FANCC: variants seen among roughly 807,000 people sequenced by gnomAD.
FANCC encodes Fanconi anemia group C protein.
In FANCC, 55 loss-of-function variants were observed where a neutral mutation model predicts 71.3. That is an observed-to-expected ratio of 0.77 (90% confidence interval 0.62 to 0.97). FANCC has a LOEUF of 0.97. Ranked by LOEUF, FANCC falls within the 50% of genes least tolerant of loss-of-function variation. FANCC has a pLI of 0.00. For missense variants in FANCC, 678 were observed against 670.9 expected, an observed-to-expected ratio of 1.01 and a Z score of -0.12; for synonymous variants, 275 against 244.9, an observed-to-expected ratio of 1.12 and a Z score of -1.15.
intron 1 of FANCC, among the ~76,000 whole-genome samples, chr9:95,255,134 G>A (rs1262944144): frequency 1.3e-5 from 2 of 152,272 alleles, no homozygotes; most frequent in East Asian, 1.9e-4. Flanking sequence ...CGCAGCTATA[G>A]CAGAATTAAA....
At position 95,188,768 on chromosome 9, in the gene FANCC, C is replaced by T. The variant is rs142753546; in HGVS notation, c.346-16621G>A. Among the ~76,000 whole-genome samples the T allele has an allele frequency of 1.2e-3, 182 of 152,242 alleles. 3 individuals carry two copies. In the East Asian group the frequency reaches 0.033, roughly 27 times the overall value. ...CTCGCATTTTTATGTCCACTCCTCC[C>T]GAACCCTGCCATTTATAATCCCTAC... On this transcript the variant is annotated intron_variant, in intron 4 of 14. Coordinates refer to ENST00000289081, the MANE Select transcript of FANCC (RefSeq NM_000136.3).
chr9:95,253,736 T>C (rs1254188387), intron 1 of FANCC, among the ~76,000 whole-genome samples: 1 of 151,694 alleles, frequency 6.6e-6, no homozygotes, highest in Non-Finnish European at 1.5e-5. Context: ...TGGTGACTTG[T>C]GAGATTCTGG....
At position 95,172,019 on chromosome 9, in the gene FANCC, TA is replaced by T. The variant is rs768368115; in HGVS notation, c.456+17del. The T allele has an allele frequency of 1.4e-6, 2 of 1,452,988 alleles. No individual in the cohort carries two copies. Among genetic ancestry groups the T allele is most frequent in the East Asian group, 4.5e-5 (2 of 43,986 alleles). 90.0% of individuals were successfully genotyped at this position (1,452,988 alleles called of 1,614,324 possible). On this transcript the variant is annotated intron_variant, in intron 5 of 14. Transcript: ENST00000289081. ...TCAGCATTAAACATTTCAAAAGTGA[TA>T]AATTTTAAATACTCACATTTTTAAG...
chr9:95,215,286 A>G (rs1376241696), intron 4 of FANCC, among the ~76,000 whole-genome samples: 1 of 152,130 alleles, frequency 6.6e-6, no homozygotes, highest in Non-Finnish European at 1.5e-5. Context: ...CTCTTAGGGG[A>G]GCAGAGAGCA....
chr9:95,110,394 A>T, intron 13 of FANCC: 1 of 1,024,076 alleles, frequency 9.8e-7, no homozygotes, highest in Non-Finnish European at 1.2e-6. Context: ...CGTACATCTT[A>T]TTACTGTTAA....
chr9:95,305,091 C>T (rs1171259182), intron 1 of FANCC, among the ~76,000 whole-genome samples: 1 of 152,122 alleles, frequency 6.6e-6, no homozygotes, highest in Non-Finnish European at 1.5e-5. Context: ...CTCTATTATC[C>T]AATTTAGAGG....
At chr9:95,256,210 C>T (rs886947658) in intron 1 of FANCC, among the ~76,000 whole-genome samples, 1 of 152,048 alleles carries the variant, frequency 6.6e-6, no homozygotes, top group Non-Finnish European at 1.5e-5. Context: ...AGATACTCCT[C>T]GAGAAGAGCA....
chr9:95,316,007 G>A (rs1416559306), intron 1 of FANCC, among the ~76,000 whole-genome samples: 1 of 152,120 alleles, frequency 6.6e-6, no homozygotes, highest in African/African-American at 2.4e-5. Flanking sequence ...TTTATTAGAG[G>A]ACAAAACAAA....
At chr9:95,200,973 G>A (rs973043889) in intron 4 of FANCC, among the ~76,000 whole-genome samples, 1 of 152,112 alleles carries the variant, frequency 6.6e-6, no homozygotes, top group Non-Finnish European at 1.5e-5. Flanking sequence ...TCCAGAACAC[G>A]TCAACTAAGA....
intron 6 of FANCC, among the ~76,000 whole-genome samples, chr9:95,163,083 C>G (rs1196635338): frequency 6.6e-6 from 1 of 152,168 alleles, no homozygotes; most frequent in African/African-American, 2.4e-5. Flanking sequence ...ACGTTTAGGT[C>G]TTTCATCTAT....
intron 8 of FANCC, 32 bp downstream of exon 8, chr9:95,135,314 G>C (rs1827514081): frequency 5.0e-6 from 8 of 1,608,590 alleles, no homozygotes; most frequent in African/African-American, 1.3e-5. Context: ...CTCCTTCAAG[G>C]ATTTTTCCCT....
chr9:95,187,353 A>G (rs903702719), intron 4 of FANCC, among the ~76,000 whole-genome samples: 5 of 152,172 alleles, frequency 3.3e-5, no homozygotes, highest in African/African-American at 1.2e-4. Flanking sequence ...GGTCACGGCC[A>G]AGGCCCACCT....
intron 8 of FANCC, among the ~76,000 whole-genome samples, chr9:95,129,450 T>C (rs1273350363): frequency 2.6e-5 from 4 of 152,240 alleles, no homozygotes; most frequent in African/African-American, 7.2e-5. Flanking sequence ...AGCATCTTCA[T>C]GAGTGATGAC....
intron 4 of FANCC, among the ~76,000 whole-genome samples, chr9:95,197,466 G>A (rs1827528269): frequency 6.6e-6 from 1 of 152,182 alleles, no homozygotes; most frequent in African/African-American, 2.4e-5. Flanking sequence ...TTGGGTCTGG[G>A]AGGTCAAGGC....
chr9:95,108,662 T>G (rs1483708212), intron 13 of FANCC, among the ~76,000 whole-genome samples: 1 of 152,194 alleles, frequency 6.6e-6, no homozygotes, highest in Non-Finnish European at 1.5e-5. Flanking sequence ...TCCTGCATTA[T>G]AAAGACATAT....
At chr9:95,275,117 A>AG in intron 1 of FANCC, among the ~76,000 whole-genome samples, 2 of 151,612 alleles carry the variant, frequency 1.3e-5, no homozygotes, top group East Asian at 1.9e-4. Flanking sequence ...ACAAAAAAAA[A>AG]AAAAAAAGAA....
At chr9:95,244,176 G>A (rs975925727) in intron 3 of FANCC, among the ~76,000 whole-genome samples, 2 of 152,212 alleles carry the variant, frequency 1.3e-5, no homozygotes, top group Non-Finnish European at 2.9e-5. Context: ...GAGTTCAGAT[G>A]CCCTGTCTTA....
chr9:95,139,529 C>T (rs1405966909), intron 7 of FANCC, among the ~76,000 whole-genome samples: 3 of 152,014 alleles, frequency 2.0e-5, no homozygotes, highest in South Asian at 2.1e-4. Flanking sequence ...ACGGGGATGG[C>T]GGAACAGAGT....
chr9:95,232,032 C>A (rs1830039226), intron 4 of FANCC, among the ~76,000 whole-genome samples: 1 of 152,168 alleles, frequency 6.6e-6, no homozygotes, highest in Non-Finnish European at 1.5e-5. Flanking sequence ...TGTGGTTCTG[C>A]AAGCTGTACA....
Sources: gnomAD v4.1 joint callset for allele counts (sites outside exome capture counted in the v4.1 genomes callset) on GRCh38, gnomAD v4.1.1 for gene constraint, MANE v1.5 for transcripts, NCBI Gene and HGNC (gene_info 2026-07-23, HGNC 2026-07-21) for gene names.